Variants in NNT observed in about 807,000 individuals in gnomAD.
NNT encodes nicotinamide nucleotide transhydrogenase.
In NNT, 50 loss-of-function variants were observed where a neutral mutation model predicts 104.8. That is an observed-to-expected ratio of 0.48 (90% CI 0.38 to 0.60). The LOEUF is 0.60. NNT is among the 20% of genes least tolerant of loss of function. The pLI is 0.00. For synonymous variants in NNT, 461 were observed against 490.4 expected, an observed-to-expected ratio of 0.94 and a Z score of 0.79; for missense variants, 1,131 against 1,330.7, an observed-to-expected ratio of 0.85 and a Z score of 2.33.
In NNT at chr5:43,681,518, G is replaced by A. The variant is rs1580107162; in HGVS notation, c.2876+3712G>A. 3.9e-5 allele frequency among the ~76,000 whole-genome samples: 6 copies of A among 152,046 alleles called. 1 individual carries two copies. In the South Asian group the frequency reaches 1.2e-3, roughly 32 times the overall value. ...GGTTCAAAGCAATTCTCCTGCCTCA[G>A]CCTGCCAAGTAGCTGGGACTACAGG... On this transcript the variant is annotated intron_variant, in intron 19 of 21. Coordinates refer to ENST00000344920, the MANE Select transcript of NNT (RefSeq NM_182977.3).
intron 4 of NNT, among the ~76,000 whole-genome samples, chr5:43,618,063 A>G (rs746337599): frequency 7.2e-5 from 11 of 152,218 alleles, no homozygotes; most frequent in Non-Finnish European, 1.0e-4. Flanking sequence ...TGCCTTTTAC[A>G]TATAAATTGC....
chr5:43,672,671 A>T (rs1187226078), intron 17 of NNT, among the ~76,000 whole-genome samples: 1 of 144,736 alleles, frequency 6.9e-6, no homozygotes, highest in Non-Finnish European at 1.5e-5. Flanking sequence ...GTACCCAGCC[A>T]TGTGAGGTGT....
Position 43,704,343 on chromosome 5 carries a change from G to A in NNT, c.3200G>A (p.Gly1067Asp), listed in dbSNP as rs1326330438. The change falls in exon 22 of 22, where the codon GGT (glycine) becomes GAT (aspartate). Residue 1067 changes from glycine (G) to aspartate (D), a missense_variant. Transcript: ENST00000344920. ...FYKPNTAMLLGDAKKTCDALQ... is the reference protein window; with the variant it reads ...FYKPNTAMLLDDAKKTCDALQ... ...AAACCTAACACGGCCATGCTTCTAGGTGATGCCAAGAAAACATGTGACGCG... is the reference window on the plus strand; with the variant it reads ...AAACCTAACACGGCCATGCTTCTAGATGATGCCAAGAAAACATGTGACGCG... 1.2e-6 allele frequency: 2 copies of A among 1,613,688 alleles called. No individual in the cohort carries two copies. The highest frequency in any genetic ancestry group is 2.2e-5 in the South Asian group (2 of 91,056).
In NNT at chr5:43,695,029, C is replaced by T. The variant is rs143619320; in HGVS notation, c.2877-5090C>T. ...ATTTCTTCCTGGTTCAGTCTTGGGA[C>T]GGTGTATGTGTCCAGGAATGTGTTC... On this transcript the variant is annotated intron_variant, in intron 19 of 21. Transcript: ENST00000344920. 3.8e-3 allele frequency among the ~76,000 whole-genome samples: 585 copies of T among 152,052 alleles called. 9 individuals are homozygous for T. The highest frequency in any genetic ancestry group is 0.013 in the African/African-American group (528 of 41,454).
At chr5:43,621,732 A>G in intron 5 of NNT, among the ~76,000 whole-genome samples, 1 of 152,118 alleles carries the variant, frequency 6.6e-6, no homozygotes, top group East Asian at 1.9e-4. Flanking sequence ...AGGAAAAAAA[A>G]TGAACCGGAT....
At chr5:43,603,113 G>C (rs1437511499), upstream of NNT, 1 of 152,544 alleles carries the variant, frequency 6.6e-6, no homozygotes, top group Non-Finnish European at 1.5e-5. Context: ...CTGGGGCGGG[G>C]AAGGGGCGCG....
chr5:43,691,070 A>AGAGAGT (rs1245517310), intron 19 of NNT, among the ~76,000 whole-genome samples: 15 of 137,400 alleles, frequency 1.1e-4, no homozygotes, highest in African/African-American at 4.1e-4. Context: ...TTTTTGAGAG[A>AGAGAGT]GTGTGTGTGT....
At position 43,704,358 on chromosome 5, in the gene NNT, C is replaced by T; in HGVS notation, c.3215C>T (p.Thr1072Ile). ...ATGCTTCTAGGTGATGCCAAGAAAA[C>T]ATGTGACGCGCTCCAGGCGAAAGTT... ...TAMLLGDAKK[T>I]CDALQAKVRE... Residue 1072 changes from threonine to isoleucine, a missense_variant, in exon 22 of 22, where the codon ACA (threonine) becomes ATA (isoleucine). Transcript: ENST00000344920. The T allele has an allele frequency of 3.1e-6, 5 of 1,613,660 alleles. No individual in the cohort carries two copies. The highest frequency in any genetic ancestry group is 4.2e-6 in the Non-Finnish European group (5 of 1,179,704).
rs193048308 is a variant in NNT, at chr5:43,695,378, T to A, written c.2877-4741T>A. Reference sequence around the variant, plus strand: ...AATAACAAGGCATCTTAAATGACCATAATTTTTGTGTGAGGCAGCAGTGTG... The same window carrying A: ...AATAACAAGGCATCTTAAATGACCAAAATTTTTGTGTGAGGCAGCAGTGTG... On this transcript the variant is annotated intron_variant, in intron 19 of 21. Transcript: ENST00000344920. Among the ~76,000 whole-genome samples the A allele has an allele frequency of 4.3e-4, 65 of 152,318 alleles. 1 individual carries two copies. Among genetic ancestry groups the A allele is most frequent in the Admixed American group, 4.1e-3 (62 of 15,302 alleles).
At chr5:43,638,664 GTT>G (rs371989090) in intron 7 of NNT, among the ~76,000 whole-genome samples, 5 of 133,748 alleles carry the variant, frequency 3.7e-5, no homozygotes, top group East Asian at 2.3e-4. Flanking sequence ...AGAAAGTTTT[GTT>G]TTTTTTTTTT....
intron 18 of NNT, 43 bp downstream of exon 18, chr5:43,675,713 A>G: frequency 7.3e-7 from 1 of 1,375,276 alleles, no homozygotes; most frequent in Non-Finnish European, 9.6e-7. Context: ...AATAGCTGTT[A>G]TAATTGATGA....
At position 43,700,254 on chromosome 5, in the gene NNT, A is replaced by G. The variant is rs754832404; in HGVS notation, c.2995+17A>G. On this transcript the variant is annotated intron_variant, in intron 20 of 21. Coordinates refer to ENST00000344920, the MANE Select transcript of NNT (RefSeq NM_182977.3). ...ATTTTCCAGGTAAGTGGTGGGGGCAATTGTGAAGTTTAAATATTCTTACTA... is the reference window on the plus strand; with the variant it reads ...ATTTTCCAGGTAAGTGGTGGGGGCAGTTGTGAAGTTTAAATATTCTTACTA... 27 of 1,558,884 alleles carry G rather than the reference A, an allele frequency of 1.7e-5. No homozygotes were observed. The highest frequency in any genetic ancestry group is 1.1e-4 in the East Asian group (5 of 44,486).
chr5:43,676,356 C>G (rs1741414886), intron 18 of NNT, among the ~76,000 whole-genome samples: 1 of 152,200 alleles, frequency 6.6e-6, no homozygotes, highest in Admixed American at 6.5e-5. Flanking sequence ...AATGAGTTTT[C>G]TGTAAATAAA....
intron 16 of NNT, among the ~76,000 whole-genome samples, chr5:43,658,828 G>A (rs759706960): frequency 1.3e-5 from 2 of 152,134 alleles, no homozygotes; most frequent in Non-Finnish European, 2.9e-5. Flanking sequence ...GTACCAACAG[G>A]GGATTGCCCT....
intron 17 of NNT, among the ~76,000 whole-genome samples, chr5:43,668,674 T>C (rs1218102364): frequency 5.3e-5 from 8 of 152,224 alleles, no homozygotes; most frequent in Non-Finnish European, 1.0e-4. Context: ...GCTGTTTTGG[T>C]TACTGTAGCC....
At chr5:43,649,500 G>A (rs935330071) in intron 11 of NNT, among the ~76,000 whole-genome samples, 192 bp downstream of exon 11, 3 of 152,110 alleles carry the variant, frequency 2.0e-5, no homozygotes, top group Non-Finnish European at 2.9e-5. Flanking sequence ...GTAAGAGGCC[G>A]TGGGAGTGTG....
intron 17 of NNT, among the ~76,000 whole-genome samples, chr5:43,661,012 GTAA>G (rs1265428541): frequency 6.6e-6 from 1 of 152,128 alleles, no homozygotes; most frequent in African/African-American, 2.4e-5. Context: ...AAATCTCATT[GTAA>G]TTTGGAAGGC....
chr5:43,622,315 C>T (rs1750142191), intron 5 of NNT, among the ~76,000 whole-genome samples: 1 of 152,226 alleles, frequency 6.6e-6, no homozygotes, highest in Non-Finnish European at 1.5e-5. Context: ...ACTGCCTTTA[C>T]TCAGATGGGG....
Position 43,653,783 on chromosome 5 carries a change from C to T in NNT, c.2059+570C>T, listed in dbSNP as rs573393844. On this transcript the variant is annotated intron_variant, in intron 14 of 21. Coordinates refer to ENST00000344920, the MANE Select transcript of NNT (RefSeq NM_182977.3). Reference sequence around the variant, plus strand: ...TGGCCTGGCCAACATGGTGAAACCCCGTCGCTATTAAATATACAAAAATTA... The same window carrying T: ...TGGCCTGGCCAACATGGTGAAACCCTGTCGCTATTAAATATACAAAAATTA... Among the ~76,000 whole-genome samples the T allele has an allele frequency of 2.6e-5, 4 of 151,534 alleles. No homozygotes were observed. The East Asian group carries it at 7.8e-4, about 30-fold the overall frequency.
Sources: gnomAD v4.1 joint callset for allele counts (sites outside exome capture counted in the v4.1 genomes callset) on GRCh38, gnomAD v4.1.1 for gene constraint, MANE v1.5 for transcripts, NCBI Gene and HGNC (gene_info 2026-07-23, HGNC 2026-07-21) for gene names.